Variants in CHSY1 observed in about 807,000 individuals in gnomAD.
CHSY1 encodes chondroitin sulfate synthase 1, also known as N-acetylgalactosaminyl-proteoglycan 3-beta-glucuronosyltransferase 1.
CHSY1 carries 13 observed loss-of-function variants against 59.8 expected under a neutral mutation model. The observed-to-expected ratio is 0.22, with a 90% CI of 0.14 to 0.35. CHSY1 has a LOEUF of 0.35. CHSY1 is among the 10% of genes least tolerant of loss of function. CHSY1 has a pLI of 1.00. For synonymous variants in CHSY1, 459 were observed against 401.2 expected, an observed-to-expected ratio of 1.14 and a Z score of -1.72; for missense variants, 947 against 1,030.6, an observed-to-expected ratio of 0.92 and a Z score of 1.11.
intron 2 of CHSY1, among the ~76,000 whole-genome samples, chr15:101,203,235 T>C (rs753691705): frequency 6.6e-6 from 1 of 152,164 alleles, no homozygotes; most frequent in Non-Finnish European, 1.5e-5. Flanking sequence ...GCACAGCCAG[T>C]AGACCCTGTC....
chr15:101,177,422 C>T lies in CHSY1; in HGVS notation c.2375G>A (p.Ser792Asn), dbSNP rs2038206409. 2 of 1,613,464 alleles carry T rather than the reference C, an allele frequency of 1.2e-6. No individual in the cohort carries two copies. Among genetic ancestry groups the T allele is most frequent in the Non-Finnish European group, 8.5e-7 (1 of 1,179,838 alleles). Reference protein sequence around the residue: ...LEKNDPSYSKSSNNNGSVRTA With the variant: ...LEKNDPSYSKNSNNNGSVRTA Reference sequence around the variant, plus strand: ...CCTCACTGAGCCATTATTATTGCTGCTTTTACTGTAACTTGGATCATTTTT... The same window carrying T: ...CCTCACTGAGCCATTATTATTGCTGTTTTTACTGTAACTTGGATCATTTTT... Residue 792 changes from serine (S) to asparagine (N), a missense_variant, in exon 3 of 3, where the codon AGC becomes AAC. Coordinates refer to ENST00000254190, the MANE Select transcript of CHSY1 (RefSeq NM_014918.5).
At chr15:101,243,479 G>A (rs1158860681) in intron 1 of CHSY1, among the ~76,000 whole-genome samples, 1 of 152,102 alleles carries the variant, frequency 6.6e-6, no homozygotes, top group East Asian at 1.9e-4. Context: ...CTGAACTGAG[G>A]CACCGTCCTC....
chr15:101,234,542 A>T (rs570671231), intron 2 of CHSY1, among the ~76,000 whole-genome samples: 6 of 152,334 alleles, frequency 3.9e-5, no homozygotes, highest in African/African-American at 1.4e-4. Context: ...TTAGGCCCCA[A>T]ATGCCATTAT....
In CHSY1 at chr15:101,211,762, AG is replaced by A. The variant is rs1177434413; in HGVS notation, c.816+23319del. On this transcript the variant is annotated intron_variant, in intron 2 of 2. Transcript: ENST00000254190. ...CAGAGAAAAGATAAAATACCTTCAA[AG>A]AAAAAACAATACGACTTGAGAGGTG... Among the ~76,000 whole-genome samples the A allele has an allele frequency of 3.9e-5, 6 of 152,274 alleles. No individual in the cohort carries two copies. The East Asian group carries it at 1.2e-3, about 29-fold the overall frequency.
rs1278615730 is a variant in CHSY1, at chr15:101,177,041, A to G, written c.*347T>C. The G allele has an allele frequency of 5.2e-6, 1 of 190,512 alleles. No individual in the cohort carries two copies. The highest frequency in any genetic ancestry group is 2.3e-5 in the African/African-American group (1 of 42,620). The allele number at this position is 190,512 out of a possible 1,614,324, so 11.8% of individuals were successfully genotyped here. ...TCACAACAGAACATTTACCAGAGTT[A>G]CAGTGTTTTGTTACAATAATACTTT... On this transcript the variant is annotated 3_prime_UTR_variant, in exon 3 of 3. Transcript: ENST00000254190.
intron 2 of CHSY1, among the ~76,000 whole-genome samples, chr15:101,200,817 TG>T (rs2038566078): frequency 6.6e-6 from 1 of 152,202 alleles, no homozygotes; most frequent in South Asian, 2.1e-4. Context: ...TGTTGCTTGC[TG>T]GGAATAATTC....
chr15:101,203,967 C>T lies in CHSY1; in HGVS notation c.817-24987G>A, dbSNP rs115218490. Among the ~76,000 whole-genome samples, 327 of 152,296 alleles carry T rather than the reference C, an allele frequency of 2.1e-3. 1 individual carries two copies. Among genetic ancestry groups the T allele is most frequent in the African/African-American group, 7.6e-3 (314 of 41,546 alleles). ...TGAAGGACATTACTGGGACAACTGA[C>T]AGAATATGACTAAACTCTGTAGATT... On this transcript the variant is annotated intron_variant, in intron 2 of 2. Coordinates refer to ENST00000254190, the MANE Select transcript of CHSY1 (RefSeq NM_014918.5).
intron 2 of CHSY1, among the ~76,000 whole-genome samples, chr15:101,192,925 TAC>T (rs2038463466): frequency 6.6e-6 from 1 of 152,234 alleles, no homozygotes; most frequent in Non-Finnish European, 1.5e-5. Flanking sequence ...AAATGCTTAT[TAC>T]CACTCCTCTC....
At chr15:101,224,996 C>G (rs779845144) in intron 2 of CHSY1, among the ~76,000 whole-genome samples, 4 of 152,260 alleles carry the variant, frequency 2.6e-5, no homozygotes, top group African/African-American at 4.8e-5. Flanking sequence ...GTCACCTTTA[C>G]AGAAGGGCGT....
chr15:101,244,701 G>A (rs1161495199), intron 1 of CHSY1, among the ~76,000 whole-genome samples: 1 of 152,156 alleles, frequency 6.6e-6, no homozygotes, highest in Non-Finnish European at 1.5e-5. Context: ...GAAGGGCTTT[G>A]TACTGGCCAT....
intron 1 of CHSY1, among the ~76,000 whole-genome samples, chr15:101,240,788 G>A (rs923545967): frequency 2.0e-5 from 3 of 152,172 alleles, no homozygotes; most frequent in South Asian, 2.1e-4. Flanking sequence ...CAAGCTTAGC[G>A]TTCCAATAAT....
Position 101,180,389 on chromosome 15 carries a change from A to G in CHSY1, c.817-1409T>C, listed in dbSNP as rs531491943. On this transcript the variant is annotated intron_variant, in intron 2 of 2. Transcript: ENST00000254190. ...TTCCCACACCGCTTATGCTCCCCAC[A>G]TGGCAGGTGCACGCATGGACTTACC... 6.6e-5 allele frequency among the ~76,000 whole-genome samples: 10 copies of G among 152,176 alleles called. No homozygotes were observed. In the East Asian group the frequency reaches 1.4e-3, roughly 21 times the overall value.
Position 101,250,662 on chromosome 15 carries a change from G to A in CHSY1, c.320+475C>T, listed in dbSNP as rs567678439. ...ATAGGAGTGCCTCCAACTGCGAAAT[G>A]TGAGAGTATGATGTGGAAAGGTTCT... On this transcript the variant is annotated intron_variant, in intron 1 of 2. Transcript: ENST00000254190. 5.9e-5 allele frequency among the ~76,000 whole-genome samples: 9 copies of A among 152,354 alleles called. No individual in the cohort carries two copies. In the South Asian group the frequency reaches 1.9e-3, roughly 32 times the overall value.
intron 2 of CHSY1, among the ~76,000 whole-genome samples, chr15:101,226,828 G>C (rs1387910120): frequency 6.6e-5 from 10 of 152,184 alleles, no homozygotes; most frequent in African/African-American, 2.4e-4. Flanking sequence ...CTAATTTTTA[G>C]AGCACAATAC....
chr15:101,228,452 G>T (rs1023484782), intron 2 of CHSY1, among the ~76,000 whole-genome samples: 2 of 152,054 alleles, frequency 1.3e-5, no homozygotes, highest in African/African-American at 4.8e-5. Context: ...AAGCCAAAGA[G>T]AATCTTAAGA....
intron 2 of CHSY1, among the ~76,000 whole-genome samples, chr15:101,205,679 T>C (rs746716395): frequency 1.8e-4 from 27 of 152,182 alleles, no homozygotes; most frequent in East Asian, 5.8e-4. Context: ...TGGCCGGGCG[T>C]GGTGGCTCAC....
chr15:101,250,972 A>G (rs1245492337), intron 1 of CHSY1, among the ~76,000 whole-genome samples, 165 bp downstream of exon 1: 1 of 152,110 alleles, frequency 6.6e-6, no homozygotes, highest in Admixed American at 6.5e-5. Context: ...CCCGCCTCTG[A>G]TCTTTTCTCC....
intron 2 of CHSY1, among the ~76,000 whole-genome samples, chr15:101,198,391 G>A (rs1271114757): frequency 2.0e-5 from 3 of 152,126 alleles, no homozygotes; most frequent in Admixed American, 1.3e-4. Flanking sequence ...TCTCTGCTGC[G>A]TCCTCTCGGG....
chr15:101,251,578 G>A lies in CHSY1; in HGVS notation c.-122C>T, dbSNP rs1596459320. 7.5e-5 allele frequency: 11 copies of A among 147,586 alleles called. No individual in the cohort carries two copies. In the South Asian group the frequency reaches 2.3e-3, roughly 31 times the overall value. 9.1% of individuals were successfully genotyped at this position (147,586 alleles called of 1,614,324 possible). A position where few individuals can be genotyped will look rare whatever the true frequency, so the allele number is the denominator to read the frequency against. ...GAGGCCCGGCCCGGGCAGCGCCGCC[G>A]CCGCCGCGGGCCCGCCGCGCCCATC... On this transcript the variant is annotated 5_prime_UTR_variant, in exon 1 of 3. Transcript: ENST00000254190.
Sources: gnomAD v4.1 joint callset for allele counts (sites outside exome capture counted in the v4.1 genomes callset) on GRCh38, gnomAD v4.1.1 for gene constraint, MANE v1.5 for transcripts, NCBI Gene and HGNC (gene_info 2026-07-23, HGNC 2026-07-21) for gene names.